The following USP8 variants were observed in gnomAD, a reference collection of about 807,000 sequenced individuals.
USP8 encodes the protein ubiquitin specific peptidase 8.
A neutral mutation model predicts 130.0 loss-of-function variants in USP8; 27 were observed. The ratio of observed to expected loss-of-function variants is 0.21; its 90% CI spans 0.15 to 0.29. The LOEUF (loss-of-function observed/expected upper bound fraction) is 0.29. Ranked by LOEUF, USP8 falls within the 10% of genes least tolerant of loss-of-function variation. USP8 has a pLI of 1.00. For synonymous variants in USP8, 392 were observed against 444.1 expected (o/e 0.88, Z 1.48); for missense variants, 1,029 against 1,312.2 (o/e 0.78, Z 3.33).
rs1213095676 is a variant in USP8, at chr15:50,500,313, ATGAG to A, written c.*1227_*1230del. On this transcript the variant is annotated 3_prime_UTR_variant, in exon 20 of 20. Transcript: ENST00000307179. ...ACAAAAATTATTTTTGTTTAGCTTC[ATGAG>A]TATCTTTGGAAAATAATTTGTTGAA... is the stretch of plus-strand genomic sequence containing the variant. The A allele has an allele frequency of 6.5e-6, 1 of 154,058 alleles. No homozygotes were observed. The highest frequency in any genetic ancestry group is 1.4e-5 in the Non-Finnish European group (1 of 69,140). 9.5% of individuals were successfully genotyped at this position (154,058 alleles called of 1,614,324 possible). A position where few individuals can be genotyped will look rare whatever the true frequency, so the allele number is the denominator to read the frequency against.
chr15:50,438,539 T>A (rs2050154661), intron 1 of USP8, among the ~76,000 whole-genome samples: 1 of 152,208 alleles, frequency 6.6e-6, no homozygotes. Flanking sequence ...AAGCCGAGAT[T>A]GTGCCATTGC....
rs190337023 is a variant in USP8 at position 50,459,171 on chromosome 15, A to G, written c.498+9A>G. 18 of 1,597,128 alleles carry G rather than the reference A, an allele frequency of 1.1e-5. No individual in the cohort carries two copies. The highest frequency in any genetic ancestry group is 3.4e-4 in the Middle Eastern group (2 of 5,970). On this transcript the variant is annotated intron_variant, in intron 5 of 19. Coordinates refer to ENST00000307179, the MANE Select transcript of USP8 (RefSeq NM_005154.5). ...AAGACAAAACCCAAAAGGTATTTCA[A>G]ATTTAATGTGTGAGTTAAAAGACTG...
chr15:50,480,130 A>G (rs1322850164), intron 10 of USP8, among the ~76,000 whole-genome samples: 1 of 152,196 alleles, frequency 6.6e-6, no homozygotes, highest in Non-Finnish European at 1.5e-5. Context: ...TGTTATTGGC[A>G]CATGTTCTTA....
intron 1 of USP8, among the ~76,000 whole-genome samples, chr15:50,433,553 C>T (rs1490713952): frequency 6.6e-6 from 1 of 152,164 alleles, no homozygotes; most frequent in East Asian, 1.9e-4. Context: ...CATCAAATCC[C>T]TACTCTTTGT....
At chr15:50,488,966 C>G (rs2052063137) in intron 12 of USP8, among the ~76,000 whole-genome samples, 1 of 152,088 alleles carries the variant, frequency 6.6e-6, no homozygotes, top group African/African-American at 2.4e-5. Context: ...ATCCTCCTGT[C>G]TTGGCCTCGC....
In USP8 at chr15:50,507,780, G is replaced by A. The variant is rs2052681827; in HGVS notation, c.*8692G>A. 1 of 152,078 alleles carries A rather than the reference G, an allele frequency of 6.6e-6. No homozygotes were observed. The highest frequency in any genetic ancestry group is 6.6e-5 in the Admixed American group (1 of 15,254). 9.4% of individuals were successfully genotyped at this position (152,078 alleles called of 1,614,324 possible). ...GCACTGTCTCAACAAATGTAAAAGA[G>A]TTAGTTTAGGCCAGGCACGGTGGCT... On this transcript the variant is annotated 3_prime_UTR_variant, in exon 20 of 20. Transcript: ENST00000307179.
rs1048772426 is a variant in USP8, at chr15:50,506,375, C to T, written c.*7287C>T. ...ATTGTGAACTGCGCATGTGAGGGAT[C>T]TAGGTTGCGTGCTCCTTATGAGAAT... is the stretch of plus-strand genomic sequence containing the variant. On this transcript the variant is annotated 3_prime_UTR_variant, in exon 20 of 20. Transcript: ENST00000307179. 6.6e-6 allele frequency: 1 copy of T among 152,158 alleles called. No individual in the cohort carries two copies. Among genetic ancestry groups the T allele is most frequent in the African/African-American group, 2.4e-5 (1 of 41,432 alleles). The allele number at this position is 152,158 out of a possible 1,614,324, so 9.4% of individuals were successfully genotyped here.
At chr15:50,472,562 A>C (rs899382537) in intron 8 of USP8, among the ~76,000 whole-genome samples, 2 of 146,882 alleles carry the variant, frequency 1.4e-5, no homozygotes, top group Non-Finnish European at 3.0e-5. Flanking sequence ...GCACCACTGC[A>C]CTCCAGCCTG....
Position 50,506,506 on chromosome 15 carries a change from C to CA in USP8, c.*7423dup. The stretch of plus-strand genomic sequence containing the variant: ...GCATCAGTGGAAAAATTGTCTTCCA[C>CA]AAAAATCAGTCCCTGGTGCCAACAA... On this transcript the variant is annotated 3_prime_UTR_variant, in exon 20 of 20. Coordinates refer to ENST00000307179, the MANE Select transcript of USP8 (RefSeq NM_005154.5). The CA allele has an allele frequency of 6.6e-6, 1 of 152,178 alleles. No individual in the cohort carries two copies. Among genetic ancestry groups the CA allele is most frequent in the South Asian group, 2.1e-4 (1 of 4,816 alleles). The allele number at this position is 152,178 out of a possible 1,614,324, so 9.4% of individuals were successfully genotyped here. A position where few individuals can be genotyped will look rare whatever the true frequency, so the allele number is the denominator to read the frequency against.
chr15:50,496,127 A>G, intron 17 of USP8, 43 bp downstream of exon 17: 1 of 1,484,540 alleles, frequency 6.7e-7, no homozygotes, highest in Non-Finnish European at 9.2e-7. Context: ...TTGGATAAAA[A>G]TGCTGTTTTT....
At chr15:50,467,178 T>C (rs982074767) in intron 7 of USP8, 1 of 193,898 alleles carries the variant, frequency 5.2e-6, no homozygotes, top group African/African-American at 2.4e-5. Context: ...AACATGTGAA[T>C]ATATTCCCAG....
At chr15:50,457,690 GTC>G (rs2050836171) in intron 4 of USP8, among the ~76,000 whole-genome samples, 1 of 151,374 alleles carries the variant, frequency 6.6e-6, no homozygotes, top group Non-Finnish European at 1.5e-5. Flanking sequence ...GGTGAACCCT[GTC>G]TCTACTAAAA....
chr15:50,496,728 T>C (rs2052428145), intron 17 of USP8, among the ~76,000 whole-genome samples: 1 of 152,156 alleles, frequency 6.6e-6, no homozygotes, highest in African/African-American at 2.4e-5. Flanking sequence ...GGATATCAAA[T>C]AAATATCCTG....
Position 50,497,078 on chromosome 15 carries a change from T to C in USP8, c.2896-11T>C. 6.3e-7 allele frequency: 1 copy of C among 1,586,218 alleles called. No homozygotes were observed. The highest frequency in any genetic ancestry group is 2.3e-5 in the East Asian group (1 of 43,522). ...ATTAACGAGTATCTGCTACTTGTTT[T>C]TTTCTGCCAGGATTGCCTTAGATTA... On this transcript the variant is annotated splice_polypyrimidine_tract_variant and intron_variant, in intron 17 of 19. Transcript: ENST00000307179.
Position 50,462,262 on chromosome 15 carries a change from T to C in USP8, c.499-18T>C. On this transcript the variant is annotated intron_variant, in intron 5 of 19. Coordinates refer to ENST00000307179, the MANE Select transcript of USP8 (RefSeq NM_005154.5). ...GTGTCTATGAAAGTTGAAACTTTTT[T>C]TTTTTCCTATGCAATAGAGCAATGG... 6.3e-7 allele frequency: 1 copy of C among 1,592,340 alleles called. No individual in the cohort carries two copies. Among genetic ancestry groups the C allele is most frequent in the Non-Finnish European group, 8.5e-7 (1 of 1,173,844 alleles).
chr15:50,433,751 G>A (rs1046205352), intron 1 of USP8, among the ~76,000 whole-genome samples: 15 of 152,148 alleles, frequency 9.9e-5, no homozygotes, highest in South Asian at 2.1e-4. Flanking sequence ...GACTACAGGT[G>A]CCCGCCACCG....
chr15:50,476,636 T>C (rs2051575725), intron 8 of USP8, among the ~76,000 whole-genome samples: 1 of 152,256 alleles, frequency 6.6e-6, no homozygotes, highest in South Asian at 2.1e-4. Flanking sequence ...TTCTAATTTT[T>C]CTTCTAAGAT....
chr15:50,485,466 T>C (rs1271572473), intron 12 of USP8, among the ~76,000 whole-genome samples: 1 of 147,918 alleles, frequency 6.8e-6, no homozygotes, highest in East Asian at 2.0e-4. Context: ...AAAAAAAGGC[T>C]TCTTTGCCTT....
intron 12 of USP8, among the ~76,000 whole-genome samples, chr15:50,486,181 C>G (rs143558575): frequency 1.4e-4 from 21 of 152,168 alleles, no homozygotes; most frequent in Non-Finnish European, 2.9e-4. Flanking sequence ...GACCCCATTT[C>G]TCCACAGAAA....
Sources: gnomAD v4.1 joint callset for allele counts (sites outside exome capture counted in the v4.1 genomes callset) on GRCh38, gnomAD v4.1.1 for gene constraint, MANE v1.5 for transcripts, NCBI Gene and HGNC (gene_info 2026-07-23, HGNC 2026-07-21) for gene names.